ZNF883: variants seen among roughly 807,000 people sequenced by gnomAD.
ZNF883 encodes the protein zinc finger protein 883.
upstream of ZNF883, among the ~76,000 whole-genome samples, chr9:113,002,510 CATAAG>C (rs1192817032): frequency 1.3e-5 from 2 of 152,084 alleles, no homozygotes; most frequent in African/African-American, 4.8e-5. Flanking sequence ...ACCAAACTAA[CATAAG>C]ATGTTGACAG....
intron 2 of ZNF883, among the ~76,000 whole-genome samples, chr9:113,006,774 G>C (rs909197790): frequency 2.0e-5 from 3 of 151,992 alleles, no homozygotes; most frequent in Non-Finnish European, 4.4e-5. Flanking sequence ...TTCTTCTACA[G>C]CTAAGCCATT....
exon 1 of ZNF883, chr9:112,997,481 G>T (rs373357576): frequency 1.1e-5 from 17 of 1,614,160 alleles, no homozygotes; most frequent in Non-Finnish European, 1.4e-5. Context: ...CTTCTCTCCA[G>T]TATGAGTTCT....
At chr9:113,005,025 C>T (rs550021340) in intron 2 of ZNF883, among the ~76,000 whole-genome samples, 21 of 151,980 alleles carry the variant, frequency 1.4e-4, no homozygotes, top group Middle Eastern at 6.8e-3. Context: ...AAAATAAATT[C>T]AAAGCTGCTG....
chr9:112,994,402 C>A (rs116392889), downstream of ZNF883, among the ~76,000 whole-genome samples: 962 of 151,944 alleles, frequency 6.3e-3, 8 homozygotes, highest in African/African-American at 0.021. Context: ...ACCTCAGTCA[C>A]CAGTGCAGGA....
At chr9:112,997,404 T>C (rs756728212) in exon 1 of ZNF883, 2 of 1,614,020 alleles carry the variant, frequency 1.2e-6, no homozygotes, top group African/African-American at 2.7e-5. Flanking sequence ...CAAGAATGAA[T>C]TTTTAGATGT....
chr9:112,990,619 T>C (rs1828293637), intron 1 of ZNF883, among the ~76,000 whole-genome samples: 1 of 152,240 alleles, frequency 6.6e-6, no homozygotes, highest in South Asian at 2.1e-4. Context: ...AGGATGATGC[T>C]GGCCTCATAA....
At chr9:112,997,326 G>C (rs756055869) in exon 1 of ZNF883, 66 of 1,613,962 alleles carry the variant, frequency 4.1e-5, no homozygotes, top group Non-Finnish European at 5.5e-5. Context: ...TGCGTCCTCT[G>C]ATGTCGAATT....
downstream of ZNF883, among the ~76,000 whole-genome samples, chr9:112,994,114 C>G (rs1294335103): frequency 1.3e-5 from 2 of 151,858 alleles, no homozygotes; most frequent in Non-Finnish European, 2.9e-5. Flanking sequence ...GGCTACACAC[C>G]AAGGCCCTGG....
At chr9:113,005,933 G>T (rs903759843) in intron 2 of ZNF883, among the ~76,000 whole-genome samples, 1 of 152,020 alleles carries the variant, frequency 6.6e-6, no homozygotes, top group African/African-American at 2.4e-5. Flanking sequence ...TGTAGTCTTT[G>T]TATCTGAGAT....
chr9:112,993,512 A>C (rs1286229372), downstream of ZNF883, among the ~76,000 whole-genome samples: 1 of 152,116 alleles, frequency 6.6e-6, no homozygotes, highest in African/African-American at 2.4e-5. Context: ...TGTTGGGGAG[A>C]TCTCCCCAGT....
chr9:113,009,578 C>T (rs907283809), intron 2 of ZNF883, among the ~76,000 whole-genome samples: 5 of 151,600 alleles, frequency 3.3e-5, no homozygotes, highest in Admixed American at 2.0e-4. Context: ...GGCGTGATCT[C>T]GGCCCAGTGC....
At chr9:112,996,817 AAAAAAAAGT>A (rs1828361668), downstream of ZNF883, among the ~76,000 whole-genome samples, 1 of 105,446 alleles carries the variant, frequency 9.5e-6, no homozygotes, top group Non-Finnish European at 2.1e-5. Context: ...AAAAAAAAAA[AAAAAAAAGT>A]TTTTTTATAA....
intron 1 of ZNF883, among the ~76,000 whole-genome samples, chr9:112,990,112 T>G (rs1485778058): frequency 1.3e-5 from 2 of 152,230 alleles, no homozygotes; most frequent in Non-Finnish European, 2.9e-5. Context: ...TTTATTTCTT[T>G]CTCTTGACTG....
chr9:112,998,152 AAT>A, exon 1 of ZNF883: 3 of 1,613,930 alleles, frequency 1.9e-6, no homozygotes, highest in Non-Finnish European at 2.5e-6. Context: ...GTTTTTCTCC[AAT>A]ATGTGTTTTC....
chr9:112,998,862 GCTTTGGT>G (rs1435677807), upstream of ZNF883: 1 of 152,118 alleles, frequency 6.6e-6, no homozygotes, highest in Non-Finnish European at 1.5e-5. Context: ...TGTTTAAAAA[GCTTTGGT>G]CTTTGGTTAA....
At chr9:113,008,220 C>T (rs768904687) in intron 2 of ZNF883, among the ~76,000 whole-genome samples, 14 of 152,144 alleles carry the variant, frequency 9.2e-5, no homozygotes, top group Non-Finnish European at 2.1e-4. Context: ...CTTTAATTTA[C>T]TAATGACACA....
At chr9:113,011,564 C>T (rs1409435547) in intron 1 of ZNF883, among the ~76,000 whole-genome samples, 4 of 152,192 alleles carry the variant, frequency 2.6e-5, no homozygotes, top group Non-Finnish European at 4.4e-5. Context: ...AATTGCTCTT[C>T]GTCGCCCGCA....
exon 1 of ZNF883, chr9:112,997,579 A>G: frequency 6.2e-7 from 1 of 1,613,568 alleles, no homozygotes; most frequent in Non-Finnish European, 8.5e-7. Flanking sequence ...GAATTCTTTG[A>G]TGTTGAATGA....
rs1342598275 is a variant in ZNF883 at position 112,988,226 on chromosome 9, T to G, written n.310-4647A>C. ...TAAGTAAACATGTGCCATGGTAGTTTGCTGCATCTATCAACCCATCACCTA... is the reference window on the plus strand; with the variant it reads ...TAAGTAAACATGTGCCATGGTAGTTGGCTGCATCTATCAACCCATCACCTA... On this transcript the variant is annotated intron_variant and non_coding_transcript_variant, in intron 1 of 9. Transcript: ENST00000638823. 4.6e-5 allele frequency among the ~76,000 whole-genome samples: 7 copies of G among 152,162 alleles called. No homozygotes were observed. The East Asian group carries it at 1.3e-3, about 29-fold the overall frequency.
Sources: allele counts gnomAD v4.1 joint callset (sites outside exome capture counted in the v4.1 genomes callset), GRCh38; gene constraint gnomAD v4.1.1; transcripts MANE v1.5; gene names NCBI Gene and HGNC (gene_info 2026-07-23, HGNC 2026-07-21).